CACNA2D3: variants seen among roughly 807,000 people sequenced by gnomAD.
CACNA2D3 encodes the protein calcium voltage-gated channel auxiliary subunit alpha2delta 3, also known as voltage-dependent calcium channel subunit alpha-2/delta-3.
A neutral mutation model predicts 160.6 loss-of-function variants in CACNA2D3; 60 were observed. The ratio of observed to expected loss-of-function variants is 0.37; its 90% CI spans 0.30 to 0.46. CACNA2D3 has a LOEUF of 0.46. Among genes scored for constraint, CACNA2D3 ranks in the 20% least tolerant of loss-of-function variants. The pLI is 1.00. For missense variants in CACNA2D3, 1,205 were observed against 1,365.0 expected, an observed-to-expected ratio of 0.88 and a Z score of 1.85; for synonymous variants, 558 against 492.9, an observed-to-expected ratio of 1.13 and a Z score of -1.75.
chr3:54,501,686 C>T (rs1036116470), intron 4 of CACNA2D3, among the ~76,000 whole-genome samples: 1 of 151,648 alleles, frequency 6.6e-6, no homozygotes, highest in African/African-American at 2.4e-5. Flanking sequence ...TCCCAAAGTT[C>T]TGGGATTACA....
intron 2 of CACNA2D3, among the ~76,000 whole-genome samples, chr3:54,160,700 T>A (rs990632146): frequency 1.3e-5 from 2 of 152,216 alleles, no homozygotes; most frequent in African/African-American, 4.8e-5. Context: ...CTCTCTCCAA[T>A]TTCTTTCAGA....
intron 11 of CACNA2D3, among the ~76,000 whole-genome samples, chr3:54,680,172 T>G (rs79732456): frequency 6.6e-6 from 1 of 150,796 alleles, no homozygotes; most frequent in East Asian, 2.0e-4. Context: ...AAAAAAAAAA[T>G]GGTTTGCTAG....
intron 5 of CACNA2D3, among the ~76,000 whole-genome samples, chr3:54,562,221 C>T (rs974771993): frequency 2.6e-5 from 4 of 152,156 alleles, no homozygotes; most frequent in Non-Finnish European, 5.9e-5. Flanking sequence ...AAGGGTACAG[C>T]AGAAGACCAA....
At chr3:54,836,389 C>T (rs1391904585) in intron 14 of CACNA2D3, among the ~76,000 whole-genome samples, 1 of 151,888 alleles carries the variant, frequency 6.6e-6, no homozygotes, top group Non-Finnish European at 1.5e-5. Flanking sequence ...CACCTGCCAC[C>T]ACACCTGGCT....
chr3:54,420,372 C>G (rs765423967), intron 4 of CACNA2D3, among the ~76,000 whole-genome samples: 1 of 152,196 alleles, frequency 6.6e-6, no homozygotes, highest in Non-Finnish European at 1.5e-5. Context: ...CATGAGCCAC[C>G]GCACCTTGTC....
Position 54,412,478 on chromosome 3 carries a change from A to G in CACNA2D3, c.381+25704A>G, listed in dbSNP as rs189620215. On this transcript the variant is annotated intron_variant, in intron 4 of 37. Transcript: ENST00000474759. Reference sequence around the variant, plus strand: ...GGTTAAGGTTATCATTTTATCTTTTAGATTTTATCTTTTATCATTAAGAAA... The same window carrying G: ...GGTTAAGGTTATCATTTTATCTTTTGGATTTTATCTTTTATCATTAAGAAA... Among the ~76,000 whole-genome samples the G allele has an allele frequency of 2.6e-3, 390 of 151,950 alleles. 4 individuals carry two copies. The highest frequency in any genetic ancestry group is 8.6e-3 in the African/African-American group (356 of 41,534).
chr3:54,570,367 T>C (rs1702476221), intron 8 of CACNA2D3, among the ~76,000 whole-genome samples: 1 of 152,164 alleles, frequency 6.6e-6, no homozygotes, highest in Non-Finnish European at 1.5e-5. Flanking sequence ...ACACACCAGA[T>C]GTGGTATTCC....
intron 9 of CACNA2D3, among the ~76,000 whole-genome samples, chr3:54,619,931 G>A (rs1260985206): frequency 6.6e-6 from 1 of 152,170 alleles, no homozygotes; most frequent in Non-Finnish European, 1.5e-5. Context: ...AGGGTTGGGT[G>A]TGTGTGTGTT....
intron 26 of CACNA2D3, among the ~76,000 whole-genome samples, chr3:54,898,229 T>C (rs1700242902): frequency 7.3e-6 from 1 of 136,936 alleles, no homozygotes; most frequent in South Asian, 2.2e-4. Context: ...CCACCCCGTC[T>C]TTTTTTTTTT....
intron 11 of CACNA2D3, among the ~76,000 whole-genome samples, chr3:54,694,253 A>C (rs552969780): frequency 3.9e-5 from 6 of 152,220 alleles, no homozygotes; most frequent in Non-Finnish European, 7.3e-5. Context: ...TTCAGTAGTC[A>C]CATGCTGTAC....
At chr3:54,433,611 A>G (rs1700019804) in intron 4 of CACNA2D3, among the ~76,000 whole-genome samples, 1 of 152,126 alleles carries the variant, frequency 6.6e-6, no homozygotes, top group Admixed American at 6.5e-5. Context: ...TCACATAACA[A>G]ATGAGCGTAG....
intron 11 of CACNA2D3, among the ~76,000 whole-genome samples, chr3:54,747,203 G>A (rs973298001): frequency 6.6e-6 from 1 of 152,076 alleles, no homozygotes; most frequent in African/African-American, 2.4e-5. Context: ...TTTTTAAAAT[G>A]TATATCCCTG....
At chr3:54,824,106 A>C (rs1703698931) in intron 14 of CACNA2D3, among the ~76,000 whole-genome samples, 1 of 152,260 alleles carries the variant, frequency 6.6e-6, no homozygotes, top group Admixed American at 6.5e-5. Flanking sequence ...TTCTTGGTAC[A>C]GACAGCTATA....
intron 27 of CACNA2D3, among the ~76,000 whole-genome samples, chr3:54,903,837 T>G (rs775243564): frequency 2.0e-5 from 3 of 152,242 alleles, no homozygotes; most frequent in Non-Finnish European, 2.9e-5. Flanking sequence ...CATATGCTTG[T>G]GAGCTGCATG....
At chr3:54,970,065 C>T (rs2107071110) in intron 29 of CACNA2D3, among the ~76,000 whole-genome samples, 1 of 152,088 alleles carries the variant, frequency 6.6e-6, no homozygotes, top group African/African-American at 2.4e-5. Flanking sequence ...TTAAATGTCT[C>T]ATGGATAGCA....
At chr3:54,613,611 T>A (rs9865838) in intron 9 of CACNA2D3, among the ~76,000 whole-genome samples, 13,656 of 152,204 alleles carry the variant, frequency 0.09, 1,978 homozygotes, top group African/African-American at 0.31. Context: ...CCTCTGAGTC[T>A]TAAGGTCTCT....
At chr3:54,827,305 T>C (rs1294697526) in intron 14 of CACNA2D3, among the ~76,000 whole-genome samples, 4 of 152,226 alleles carry the variant, frequency 2.6e-5, no homozygotes, top group Non-Finnish European at 5.9e-5. Flanking sequence ...ATGCAAAACA[T>C]TCACAGCAAC....
intron 35 of CACNA2D3, among the ~76,000 whole-genome samples, chr3:55,023,537 A>G (rs374520929): frequency 3.3e-4 from 50 of 152,236 alleles, no homozygotes; most frequent in African/African-American, 1.1e-3. Flanking sequence ...TTTTAGGAGT[A>G]TCAATCCTCT....
intron 3 of CACNA2D3, among the ~76,000 whole-genome samples, chr3:54,372,527 G>A (rs911613651): frequency 6.6e-6 from 1 of 152,112 alleles, no homozygotes; most frequent in African/African-American, 2.4e-5. Context: ...GGGAATTTCA[G>A]TTTCTACTGT....
Sources: gnomAD v4.1 joint callset for allele counts (sites outside exome capture counted in the v4.1 genomes callset) on GRCh38, gnomAD v4.1.1 for gene constraint, MANE v1.5 for transcripts, NCBI Gene and HGNC (gene_info 2026-07-23, HGNC 2026-07-21) for gene names.